EXT1: variants seen among roughly 807,000 people sequenced by gnomAD.
EXT1 encodes the protein exostosin-1.
EXT1 carries 20 observed loss-of-function variants against 82.5 expected under a neutral mutation model. The observed-to-expected ratio is 0.24, with a 90% CI of 0.17 to 0.35. The LOEUF (loss-of-function observed/expected upper bound fraction) is 0.35. EXT1 is among the 10% of genes least tolerant of loss of function. The probability of loss-of-function intolerance (pLI) is 1.00; values close to 1 mark genes in which losing one functional copy is unlikely to be tolerated. For missense variants in EXT1, 757 were observed against 936.5 expected (o/e 0.81, Z 2.50); for synonymous variants, 348 against 350.8 (o/e 0.99, Z 0.09).
chr8:117,942,888 C>T (rs1444977846), intron 1 of EXT1, among the ~76,000 whole-genome samples: 2 of 152,176 alleles, frequency 1.3e-5, no homozygotes, highest in African/African-American at 4.8e-5. Flanking sequence ...CCAGCCCTGA[C>T]ACGTAGCAGT....
At chr8:118,017,105 T>A (rs1193212706) in intron 1 of EXT1, among the ~76,000 whole-genome samples, 1 of 152,226 alleles carries the variant, frequency 6.6e-6, no homozygotes, top group Non-Finnish European at 1.5e-5. Context: ...TTTATAAAGA[T>A]AAGATGTCCA....
chr8:118,058,313 T>C (rs1390479014), intron 1 of EXT1, among the ~76,000 whole-genome samples: 1 of 152,194 alleles, frequency 6.6e-6, no homozygotes, highest in African/African-American at 2.4e-5. Flanking sequence ...AAGTAGCCAA[T>C]ACCTCAATAA....
intron 1 of EXT1, among the ~76,000 whole-genome samples, chr8:118,055,599 G>C (rs369524725): frequency 6.6e-6 from 1 of 152,156 alleles, no homozygotes; most frequent in South Asian, 2.1e-4. Flanking sequence ...ATGCATACCA[G>C]GGCATGGTTT....
intron 1 of EXT1, among the ~76,000 whole-genome samples, chr8:117,946,300 AT>A (rs1814386357): frequency 6.6e-6 from 1 of 152,232 alleles, no homozygotes; most frequent in African/African-American, 2.4e-5. Context: ...AATGAGGCAT[AT>A]TTGACTGTGT....
At chr8:117,918,008 G>A (rs1813787117) in intron 1 of EXT1, among the ~76,000 whole-genome samples, 1 of 152,140 alleles carries the variant, frequency 6.6e-6, no homozygotes, top group Non-Finnish European at 1.5e-5. Context: ...GAACACTAAT[G>A]TGGGGAGTCC....
chr8:118,039,568 A>T (rs1229260130), intron 1 of EXT1, among the ~76,000 whole-genome samples: 1 of 151,556 alleles, frequency 6.6e-6, no homozygotes, highest in African/African-American at 2.4e-5. Context: ...AAAAAAAAAA[A>T]AAAAAAAAAA....
chr8:117,822,391 A>C, intron 5 of EXT1, 74 bp downstream of exon 5: 2 of 1,529,934 alleles, frequency 1.3e-6, no homozygotes, highest in Non-Finnish European at 1.8e-6. Context: ...TTAGAGTAGA[A>C]GAATAAAGGC....
At chr8:118,050,081 C>T (rs896652197) in intron 1 of EXT1, among the ~76,000 whole-genome samples, 4 of 152,190 alleles carry the variant, frequency 2.6e-5, no homozygotes, top group South Asian at 2.1e-4. Flanking sequence ...CAGGGCTAAA[C>T]GCCACCAGTT....
chr8:117,900,451 C>T lies in EXT1; in HGVS notation c.963-63250G>A, dbSNP rs537608224. ...AATGCTTCCTGAGTTCATTCCAATT[C>T]ATGACTAAGAACGGTGGGATACAGC... On this transcript the variant is annotated intron_variant, in intron 1 of 10. Transcript: ENST00000378204. 1.9e-4 allele frequency among the ~76,000 whole-genome samples: 29 copies of T among 152,298 alleles called. No homozygotes were observed. The South Asian group carries it at 4.6e-3, about 24-fold the overall frequency.
At chr8:118,072,458 T>G (rs1426170803) in intron 1 of EXT1, among the ~76,000 whole-genome samples, 2 of 152,242 alleles carry the variant, frequency 1.3e-5, no homozygotes, top group Admixed American at 6.5e-5. Flanking sequence ...TGCCTAATTG[T>G]CTGACCCAGC....
At chr8:118,010,468 C>A (rs1815876064) in intron 1 of EXT1, among the ~76,000 whole-genome samples, 1 of 151,628 alleles carries the variant, frequency 6.6e-6, no homozygotes, top group Admixed American at 6.6e-5. Flanking sequence ...TCAAAACAAG[C>A]AAAAAAGAGC....
At chr8:117,831,797 C>G in intron 3 of EXT1, 1 of 383,726 alleles carries the variant, frequency 2.6e-6, no homozygotes, top group Non-Finnish European at 5.2e-6. Context: ...TTAGGAGGAG[C>G]AATAAAATAG....
At chr8:117,929,818 G>T (rs113798911) in intron 1 of EXT1, among the ~76,000 whole-genome samples, 11 of 152,182 alleles carry the variant, frequency 7.2e-5, no homozygotes, top group Non-Finnish European at 1.6e-4. Context: ...ATAGAAAAGT[G>T]TAAGAGCAGC....
chr8:117,865,639 T>A (rs536099828), intron 1 of EXT1, among the ~76,000 whole-genome samples: 54 of 152,232 alleles, frequency 3.5e-4, no homozygotes, highest in Non-Finnish European at 6.6e-4. Context: ...TAGATAAGAT[T>A]ATTTATTTCT....
chr8:118,074,849 GGATGAGGGT>G lies in EXT1; in HGVS notation c.962+35227_962+35235del, dbSNP rs1817176423. Among the ~76,000 whole-genome samples, 4 of 152,280 alleles carry G rather than the reference GGATGAGGGT, an allele frequency of 2.6e-5. No homozygotes were observed. The South Asian group carries it at 8.3e-4, about 32-fold the overall frequency. On this transcript the variant is annotated intron_variant, in intron 1 of 10. Transcript: ENST00000378204. ...AAATGCAAAACGAGAAAAAAAAGATGGATGAGGGTCACAGCTTGCTCTGGGCAAATTGGA... is the reference window on the plus strand; with the variant it reads ...AAATGCAAAACGAGAAAAAAAAGATGCACAGCTTGCTCTGGGCAAATTGGA...
Position 118,009,052 on chromosome 8 carries a change from C to T in EXT1, c.962+101033G>A, listed in dbSNP as rs550235842. ...GGAAAGTAGGTATTAATGTGGAGGT[C>T]CCAGAAAATTGGGGGAAACCAACAT... On this transcript the variant is annotated intron_variant, in intron 1 of 10. Coordinates refer to ENST00000378204, the MANE Select transcript of EXT1 (RefSeq NM_000127.3). Among the ~76,000 whole-genome samples the T allele has an allele frequency of 4.8e-3, 736 of 152,188 alleles. 5 individuals carry two copies. Among genetic ancestry groups the T allele is most frequent in the Non-Finnish European group, 5.9e-3 (399 of 68,012 alleles).
At chr8:117,861,499 T>TG (rs1563583230) in intron 1 of EXT1, among the ~76,000 whole-genome samples, 1 of 116,764 alleles carries the variant, frequency 8.6e-6, no homozygotes, top group Admixed American at 9.1e-5. Flanking sequence ...TTTTTTTTTT[T>TG]TTTTTTTTTT....
At chr8:118,103,462 G>A (rs945305947) in intron 1 of EXT1, among the ~76,000 whole-genome samples, 1 of 152,146 alleles carries the variant, frequency 6.6e-6, no homozygotes, top group East Asian at 1.9e-4. Context: ...TGTGTATAAC[G>A]CTTATAATTT....
At chr8:117,940,460 C>T (rs968677546) in intron 1 of EXT1, among the ~76,000 whole-genome samples, 2 of 152,196 alleles carry the variant, frequency 1.3e-5, no homozygotes, top group Non-Finnish European at 2.9e-5. Flanking sequence ...AAGCACTAGG[C>T]ATCAAGGAAG....
Sources: gnomAD v4.1 joint callset for allele counts (sites outside exome capture counted in the v4.1 genomes callset) on GRCh38, gnomAD v4.1.1 for gene constraint, MANE v1.5 for transcripts, NCBI Gene and HGNC (gene_info 2026-07-23, HGNC 2026-07-21) for gene names.